PSMA3: variants seen among roughly 807,000 people sequenced by gnomAD.
PSMA3 encodes the protein proteasome 20S subunit alpha 3.
Under a neutral mutation model 40.0 loss-of-function variants are expected in PSMA3, and 8 were observed. The ratio of observed to expected loss-of-function variants is 0.20; its 90% CI spans 0.12 to 0.36. The LOEUF (loss-of-function observed/expected upper bound fraction) is 0.36, where lower values mean the gene tolerates loss of function less well. Ranked by LOEUF, PSMA3 falls within the 10% of genes least tolerant of loss-of-function variation. PSMA3 has a pLI of 1.00. For missense variants in PSMA3, 219 were observed against 310.6 expected (o/e 0.70, Z 2.22); for synonymous variants, 110 against 100.0 (o/e 1.10, Z -0.59).
chr14:58,263,097 C>T (rs1344917393), intron 6 of PSMA3, among the ~76,000 whole-genome samples: 10 of 151,716 alleles, frequency 6.6e-5, no homozygotes, highest in Non-Finnish European at 1.5e-4. Flanking sequence ...ATTCTCCTGC[C>T]TCAGCCTCTG....
At chr14:58,252,064 T>C in intron 2 of PSMA3, 55 bp from the exon 3 acceptor site, 1 of 1,540,404 alleles carries the variant, frequency 6.5e-7, no homozygotes. Context: ...AACTTAAGTT[T>C]ATGAAGTTTC....
intron 7 of PSMA3, chr14:58,266,602 T>A (rs1466545205): frequency 3.9e-5 from 6 of 152,330 alleles, no homozygotes; most frequent in African/African-American, 1.4e-4. Flanking sequence ...GAATGCTTAA[T>A]TCTAATTTGG....
At chr14:58,263,896 T>C in intron 7 of PSMA3, 126 bp downstream of exon 7, 1 of 777,102 alleles carries the variant, frequency 1.3e-6, no homozygotes, top group Non-Finnish European at 2.2e-6. Flanking sequence ...ACACATAAAA[T>C]ACACCAACAC....
At chr14:58,258,235 T>G in intron 5 of PSMA3, 1 of 435,280 alleles carries the variant, frequency 2.3e-6, no homozygotes, top group Non-Finnish European at 4.2e-6. Context: ...CCCAGGAGTA[T>G]GAGACCAGCC....
At chr14:58,271,361 GCT>G (rs1890618746) in intron 10 of PSMA3, among the ~76,000 whole-genome samples, 1 of 94,808 alleles carries the variant, frequency 1.1e-5, no homozygotes, top group South Asian at 3.6e-4. Flanking sequence ...ACGGAGTCTT[GCT>G]CTGTCACCCA....
In PSMA3 at chr14:58,260,941, C is replaced by G; in HGVS notation, c.405-7C>G. The G allele has an allele frequency of 6.2e-7, 1 of 1,600,902 alleles. No homozygotes were observed. Among genetic ancestry groups the G allele is most frequent in the South Asian group, 1.1e-5 (1 of 89,610 alleles). ...ATGGTTTAAGCTGTTTGTATACTTT[C>G]ATGCAGTTTCATGTTAGGGTCTTAC... On this transcript the variant is annotated splice_region_variant and splice_polypyrimidine_tract_variant and intron_variant, in intron 5 of 10. Coordinates refer to ENST00000216455, the MANE Select transcript of PSMA3 (RefSeq NM_002788.4).
rs1594824693 is a variant in PSMA3 at position 58,252,230 on chromosome 14, G to A, written c.216G>A (p.Arg72=). ...ACAAAAGACTTTTTAATGTTGATCGGCATGTTGGAATGGTAAGGTCATGTT... is the reference window on the plus strand; with the variant it reads ...ACAAAAGACTTTTTAATGTTGATCGACATGTTGGAATGGTAAGGTCATGTT... The part of the protein sequence containing the change: ...GSNKRLFNVD[R]HVGMAVAGLL... The change falls in exon 3 of 11, where the codon CGG becomes CGA. Residue 72 remains arginine, a synonymous_variant. Transcript: ENST00000216455. The A allele has an allele frequency of 6.2e-7, 1 of 1,606,290 alleles. No individual in the cohort carries two copies. Among genetic ancestry groups the A allele is most frequent in the Non-Finnish European group, 8.5e-7 (1 of 1,178,148 alleles).
rs201501396 is a variant in PSMA3 at position 58,270,267 on chromosome 14, CTAA to C, written c.591-149_591-147del. The C allele has an allele frequency of 3.0e-3, 3,368 of 1,114,272 alleles. 71 individuals carry two copies. In the African/African-American group the frequency reaches 0.048, roughly 16 times the overall value. 69.0% of individuals were successfully genotyped at this position (1,114,272 alleles called of 1,614,324 possible). A position where few individuals can be genotyped will look rare whatever the true frequency, so the allele number is the denominator to read the frequency against. ...TCAGTCCCTGTGTAATTTGTCTTCT[CTAA>C]TGTTAAATACTATGTAGAATGTGTC... is the stretch of plus-strand genomic sequence containing the variant. On this transcript the variant is annotated intron_variant, in intron 8 of 10. Coordinates refer to ENST00000216455, the MANE Select transcript of PSMA3 (RefSeq NM_002788.4).
intron 5 of PSMA3, 125 bp downstream of exon 5, chr14:58,258,123 T>G: frequency 1.4e-6 from 1 of 739,702 alleles, no homozygotes; most frequent in African/African-American, 1.8e-5. Flanking sequence ...AGGGCAATGA[T>G]TAAATAAAAC....
intron 8 of PSMA3, among the ~76,000 whole-genome samples, chr14:58,268,364 C>G (rs776295459): frequency 5.9e-5 from 9 of 152,106 alleles, no homozygotes; most frequent in Non-Finnish European, 7.4e-5. Flanking sequence ...TTACATCTAA[C>G]AATACGTGGA....
chr14:58,260,915 C>A (rs763694388), intron 5 of PSMA3, 33 bp from the exon 6 acceptor site: 2 of 1,466,206 alleles, frequency 1.4e-6, no homozygotes, highest in East Asian at 2.3e-5. Flanking sequence ...ATGTTATTGC[C>A]ATGGTTTAAG....
intron 1 of PSMA3, among the ~76,000 whole-genome samples, chr14:58,247,516 G>A (rs917154762): frequency 2.6e-5 from 4 of 152,310 alleles, no homozygotes; most frequent in African/African-American, 7.2e-5. Flanking sequence ...GGTGAAAAGT[G>A]TTCTGACTTC....
At chr14:58,253,707 C>T (rs1369759879) in intron 3 of PSMA3, among the ~76,000 whole-genome samples, 1 of 152,148 alleles carries the variant, frequency 6.6e-6, no homozygotes, top group Admixed American at 6.5e-5. Flanking sequence ...AATTCTCCTG[C>T]CTCAGACTCT....
intron 8 of PSMA3, 43 bp from the exon 9 acceptor site, chr14:58,270,375 T>G (rs1357829341): frequency 6.8e-6 from 11 of 1,610,866 alleles, no homozygotes; most frequent in Middle Eastern, 1.7e-4. Context: ...TACTTCAATG[T>G]TTGGAGGTTA....
chr14:58,247,703 C>A, intron 1 of PSMA3, 47 bp from the exon 2 acceptor site: 3 of 1,283,904 alleles, frequency 2.3e-6, no homozygotes, highest in South Asian at 2.5e-5. Context: ...ACTGTATGGT[C>A]ATTACTGCCA....
At chr14:58,250,976 T>C (rs1889998605) in intron 2 of PSMA3, among the ~76,000 whole-genome samples, 1 of 152,124 alleles carries the variant, frequency 6.6e-6, no homozygotes, top group Admixed American at 6.6e-5. Context: ...TTGGTGATGC[T>C]ATTATCCAAA....
intron 10 of PSMA3, among the ~76,000 whole-genome samples, chr14:58,271,432 C>T (rs950217789): frequency 2.0e-5 from 3 of 147,694 alleles, no homozygotes; most frequent in East Asian, 3.9e-4. Context: ...AGGGTTCAAG[C>T]GATCCTCCTG....
chr14:58,254,436 C>T (rs1364695924), intron 3 of PSMA3, among the ~76,000 whole-genome samples: 3 of 143,404 alleles, frequency 2.1e-5, no homozygotes, highest in African/African-American at 7.7e-5. Flanking sequence ...CTCCTGGGCT[C>T]AAGTGATTCT....
chr14:58,252,264 TC>T (rs1345191144), intron 3 of PSMA3, 22 bp downstream of exon 3: 2 of 1,598,236 alleles, frequency 1.3e-6, no homozygotes, highest in African/African-American at 2.7e-5. Context: ...TTTAAAATGT[TC>T]CTTTTTGTCT....
Sources: gnomAD v4.1 joint callset for allele counts (sites outside exome capture counted in the v4.1 genomes callset) on GRCh38, gnomAD v4.1.1 for gene constraint, MANE v1.5 for transcripts, NCBI Gene and HGNC (gene_info 2026-07-23, HGNC 2026-07-21) for gene names.